The following CAMTA1 variants were observed in gnomAD, a reference collection of about 807,000 sequenced individuals.
CAMTA1 encodes the protein calmodulin binding transcription activator 1.
CAMTA1 carries 27 observed loss-of-function variants against 170.9 expected under a neutral mutation model. The observed-to-expected ratio is 0.16, with a 90% CI of 0.12 to 0.22. CAMTA1 has a LOEUF of 0.22. Among genes scored for constraint, CAMTA1 ranks in the 10% least tolerant of loss-of-function variants. CAMTA1 has a pLI of 1.00. For synonymous variants in CAMTA1, 833 were observed against 891.5 expected, an observed-to-expected ratio of 0.93 and a Z score of 1.17; for missense variants, 1,619 against 2,217.2, an observed-to-expected ratio of 0.73 and a Z score of 5.42.
chr1:7,351,131 C>T (rs2084637959), intron 5 of CAMTA1, among the ~76,000 whole-genome samples: 1 of 152,180 alleles, frequency 6.6e-6, no homozygotes, highest in Admixed American at 6.5e-5. Flanking sequence ...GCAGCGTGAC[C>T]CCCAGGACTT....
chr1:7,028,844 C>T (rs375096097), intron 3 of CAMTA1, among the ~76,000 whole-genome samples: 2 of 152,104 alleles, frequency 1.3e-5, no homozygotes, highest in South Asian at 2.1e-4. Context: ...AGCAGAGAGA[C>T]AATACGCAAA....
chr1:7,751,201 C>T lies in CAMTA1; in HGVS notation c.4692C>T (p.Tyr1564=), dbSNP rs774847150. The T allele has an allele frequency of 1.3e-5, 21 of 1,584,462 alleles. No individual in the cohort carries two copies. The highest frequency in any genetic ancestry group is 7.4e-5 in the Admixed American group (4 of 53,730). The part of the protein sequence containing the change: ...IQRCYRKYKQ[Y]ALYKKMTQAA... Reference sequence around the variant, plus strand: ...GCTTGTTCTTGTTTCCCCTGCAGTACGCACTTTATAAAAAGATGACACAGG... The same window carrying T: ...GCTTGTTCTTGTTTCCCCTGCAGTATGCACTTTATAAAAAGATGACACAGG... Residue 1564 remains tyrosine, a splice_region_variant and synonymous_variant, in exon 20 of 23, where the codon TAC becomes TAT. Transcript: ENST00000303635.
chr1:7,554,378 C>T (rs1290082892), intron 6 of CAMTA1, among the ~76,000 whole-genome samples: 2 of 152,132 alleles, frequency 1.3e-5, no homozygotes, highest in African/African-American at 4.8e-5. Flanking sequence ...TGCTCTTCCT[C>T]GTCTTAGTTC....
intron 3 of CAMTA1, among the ~76,000 whole-genome samples, chr1:7,037,917 ATT>A (rs55645358): frequency 1.4e-5 from 2 of 143,048 alleles, no homozygotes. Context: ...TTTGATCTTT[ATT>A]TTTTTTTTTT....
At chr1:7,650,596 G>A (rs1463547116) in intron 7 of CAMTA1, among the ~76,000 whole-genome samples, 1 of 152,208 alleles carries the variant, frequency 6.6e-6, no homozygotes, top group East Asian at 1.9e-4. Context: ...AGGGAGGACT[G>A]TGATGCCCCA....
At chr1:7,606,871 G>A (rs996769833) in intron 6 of CAMTA1, among the ~76,000 whole-genome samples, 1 of 152,202 alleles carries the variant, frequency 6.6e-6, no homozygotes. Context: ...GGAGTGTGGA[G>A]CTGCAGGATC....
At chr1:7,043,905 T>G (rs926983306) in intron 3 of CAMTA1, among the ~76,000 whole-genome samples, 1 of 152,208 alleles carries the variant, frequency 6.6e-6, no homozygotes, top group Admixed American at 6.5e-5. Context: ...TAGAGATGCA[T>G]GTGATCTCCG....
chr1:6,989,568 C>T (rs769283722), intron 3 of CAMTA1, among the ~76,000 whole-genome samples: 59 of 152,234 alleles, frequency 3.9e-4, no homozygotes, highest in Non-Finnish European at 7.6e-4. Context: ...GAGAACTCAC[C>T]GTTCAAGGTA....
At chr1:7,502,196 C>A (rs2094017085) in intron 6 of CAMTA1, among the ~76,000 whole-genome samples, 1 of 152,246 alleles carries the variant, frequency 6.6e-6, no homozygotes, top group South Asian at 2.1e-4. Flanking sequence ...CCACCCCACT[C>A]TCCCCTCTGG....
At chr1:7,015,360 G>A (rs973171708) in intron 3 of CAMTA1, among the ~76,000 whole-genome samples, 2 of 152,114 alleles carry the variant, frequency 1.3e-5, no homozygotes, top group Admixed American at 6.6e-5. Flanking sequence ...CCACCCTCAC[G>A]GTTCACATTT....
chr1:7,275,509 T>C (rs1670459886), intron 5 of CAMTA1, among the ~76,000 whole-genome samples: 3 of 151,820 alleles, frequency 2.0e-5, no homozygotes, highest in Non-Finnish European at 4.4e-5. Flanking sequence ...AGTTGAAAAA[T>C]TATAGCTAGC....
chr1:7,655,779 G>A (rs548685264), intron 7 of CAMTA1, among the ~76,000 whole-genome samples: 24 of 152,178 alleles, frequency 1.6e-4, no homozygotes, highest in African/African-American at 4.8e-4. Context: ...CTATACACGC[G>A]CACCTGTACA....
At chr1:6,820,078 C>G (rs1238617664) in intron 1 of CAMTA1, 103 bp from the exon 2 acceptor site, 9 of 724,792 alleles carry the variant, frequency 1.2e-5, no homozygotes, top group Admixed American at 1.0e-4. Context: ...GATGTTTCCT[C>G]ATGATTAGAT....
rs558559968 is a variant in CAMTA1 at position 7,101,083 on chromosome 1, C to T, written c.302+9712C>T. ...CCCCTGGCACTGTGCCCACACTGAT[C>T]GATAAGTATTTGCATGCCCTGTCCG... On this transcript the variant is annotated intron_variant, in intron 4 of 22. Coordinates refer to ENST00000303635, the MANE Select transcript of CAMTA1 (RefSeq NM_015215.4). Among the ~76,000 whole-genome samples, 231 of 152,274 alleles carry T rather than the reference C, an allele frequency of 1.5e-3. 5 individuals are homozygous for T. In the South Asian group the frequency reaches 0.046, roughly 30 times the overall value.
chr1:7,012,612 G>T (rs1011162880), intron 3 of CAMTA1, among the ~76,000 whole-genome samples: 3 of 152,050 alleles, frequency 2.0e-5, no homozygotes, highest in African/African-American at 7.2e-5. Flanking sequence ...CTCAGTCCTC[G>T]CCCTTGCCTG....
In CAMTA1 at chr1:7,532,685, C is replaced by T. The variant is rs2094505427; in HGVS notation, c.510+64784C>T. ...TTCTCCCTGGAGTTGAAGGCAGTAC[C>T]TGCCTCCCCATCAGCCTGGTAGTGA... is the stretch of plus-strand genomic sequence containing the variant. On this transcript the variant is annotated intron_variant, in intron 6 of 22. Coordinates refer to ENST00000303635, the MANE Select transcript of CAMTA1 (RefSeq NM_015215.4). This position sits in a 1 kb window ranked among gnomAD's most constrained non-coding sequence, Gnocchi z 4.2. Among the ~76,000 whole-genome samples, 1 of 152,236 alleles carries T rather than the reference C, an allele frequency of 6.6e-6. No individual in the cohort carries two copies. Among genetic ancestry groups the T allele is most frequent in the Admixed American group, 6.5e-5 (1 of 15,290 alleles).
chr1:6,948,473 T>G (rs1204123361), intron 3 of CAMTA1, among the ~76,000 whole-genome samples: 1 of 152,250 alleles, frequency 6.6e-6, no homozygotes, highest in Non-Finnish European at 1.5e-5. Flanking sequence ...GTGTCTCGTT[T>G]CATCCTCTTA....
At chr1:7,563,202 C>T (rs1437116606) in intron 6 of CAMTA1, among the ~76,000 whole-genome samples, 2 of 152,232 alleles carry the variant, frequency 1.3e-5, no homozygotes, top group Non-Finnish European at 2.9e-5. Context: ...GACTTTTCCT[C>T]ACACATGGGG....
chr1:7,203,763 C>T (rs1308980384), intron 4 of CAMTA1, among the ~76,000 whole-genome samples: 3 of 149,624 alleles, frequency 2.0e-5, no homozygotes, highest in Non-Finnish European at 4.4e-5. Flanking sequence ...CTTGGTCAGT[C>T]TAAAGATTTG....
Sources: allele counts gnomAD v4.1 joint callset (sites outside exome capture counted in the v4.1 genomes callset), GRCh38; gene constraint gnomAD v4.1.1; non-coding constraint Gnocchi (gnomAD v3.1); transcripts MANE v1.5; gene names NCBI Gene and HGNC (gene_info 2026-07-23, HGNC 2026-07-21).